Variants in LIPA observed in about 807,000 individuals in gnomAD.
LIPA encodes lipase A, lysosomal acid type.
Under a neutral mutation model 40.6 loss-of-function variants are expected in LIPA, and 26 were observed. That is an observed-to-expected ratio of 0.64 (90% CI 0.47 to 0.89). The LOEUF (loss-of-function observed/expected upper bound fraction) is 0.89. Among genes scored for constraint, LIPA ranks in the 40% least tolerant of loss-of-function variants. The probability of loss-of-function intolerance (pLI) is 0.00; values close to 1 mark genes in which losing one functional copy is unlikely to be tolerated. For synonymous variants in LIPA, 188 were observed against 168.4 expected, an observed-to-expected ratio of 1.12 and a Z score of -0.90; for missense variants, 455 against 479.6, an observed-to-expected ratio of 0.95 and a Z score of 0.48.
chr10:89,251,176 TCCA>T (rs1163171680), intron 1 of LIPA, among the ~76,000 whole-genome samples: 2 of 152,310 alleles, frequency 1.3e-5, no homozygotes, highest in East Asian at 3.9e-4. Context: ...CAATTACTCC[TCCA>T]CCGACCCTAT....
intron 2 of LIPA, among the ~76,000 whole-genome samples, chr10:89,360,489 C>T (rs1310960640): frequency 1.3e-5 from 2 of 152,184 alleles, no homozygotes. Flanking sequence ...AAAGGGCACT[C>T]TTTTCTAATT....
intron 2 of LIPA, among the ~76,000 whole-genome samples, chr10:89,380,987 C>A (rs1167037390): frequency 6.6e-6 from 1 of 152,182 alleles, no homozygotes; most frequent in Non-Finnish European, 1.5e-5. Context: ...AAATTGTGCA[C>A]TTGAAATTCT....
rs1358104128 is a variant in LIPA, at chr10:89,376,205, A to AG, written c.61+36585_61+36586insC. 2.6e-5 allele frequency among the ~76,000 whole-genome samples: 4 copies of AG among 151,188 alleles called. No individual in the cohort carries two copies. The South Asian group carries it at 6.3e-4, about 24-fold the overall frequency. ...TCTATCTTAAAAAAAAAAAAAAAAA[A>AG]AAAAGAAGAAGAAGTCAAGAGGTCC... On this transcript the variant is annotated intron_variant, in intron 2 of 8. Transcript: ENST00000371837.
intron 1 of LIPA, among the ~76,000 whole-genome samples, chr10:89,276,670 T>G (rs1265442707): frequency 6.6e-6 from 1 of 152,212 alleles, no homozygotes; most frequent in Non-Finnish European, 1.5e-5. Flanking sequence ...TGTAAGGCAT[T>G]TGAGGGTAGG....
intron 1 of LIPA, among the ~76,000 whole-genome samples, chr10:89,321,279 G>A (rs1265947733): frequency 1.3e-5 from 2 of 152,156 alleles, no homozygotes; most frequent in Admixed American, 6.5e-5. Context: ...GAGTGGACAG[G>A]CAACCTACAG....
chr10:89,390,049 C>T (rs969675765), intron 2 of LIPA, among the ~76,000 whole-genome samples: 7 of 142,666 alleles, frequency 4.9e-5, no homozygotes, highest in Non-Finnish European at 9.0e-5. Context: ...TGAAATGGCA[C>T]GATCTCGGCT....
intron 1 of LIPA, chr10:89,307,440 G>C (rs755607247): frequency 7.5e-7 from 1 of 1,331,788 alleles, no homozygotes; most frequent in Non-Finnish European, 1.0e-6. Context: ...CCACCAAGTT[G>C]GTATTCAAAA....
At chr10:89,293,501 A>T (rs906093666) in intron 1 of LIPA, 1 of 151,980 alleles carries the variant, frequency 6.6e-6, no homozygotes, top group African/African-American at 2.4e-5. Context: ...TTATTGTATT[A>T]GTCTACATTG....
At chr10:89,318,109 A>T (rs1005923842) in intron 1 of LIPA, among the ~76,000 whole-genome samples, 1 of 152,214 alleles carries the variant, frequency 6.6e-6, no homozygotes, top group East Asian at 1.9e-4. Flanking sequence ...GCCACTGCAA[A>T]ACATGTCAAA....
chr10:89,392,479 C>A (rs1037440006), intron 2 of LIPA: 3 of 259,942 alleles, frequency 1.2e-5, no homozygotes, highest in South Asian at 1.1e-4. Context: ...CCACCCCCCC[C>A]CGTCAGCAGG....
intron 2 of LIPA, among the ~76,000 whole-genome samples, chr10:89,397,655 C>T (rs953477820): frequency 2.0e-4 from 30 of 151,780 alleles, no homozygotes; most frequent in East Asian, 5.8e-4. Context: ...AGATTATAGG[C>T]ATGAGTCATT....
chr10:89,388,192 G>A (rs767596086), intron 2 of LIPA, among the ~76,000 whole-genome samples: 26 of 151,976 alleles, frequency 1.7e-4, no homozygotes, highest in Non-Finnish European at 3.4e-4. Flanking sequence ...TGCAATCTCC[G>A]CCTCCTGGGT....
rs1452327228 is a variant in LIPA, at chr10:89,214,502, A to C, written c.*326T>G. On this transcript the variant is annotated 3_prime_UTR_variant, in exon 10 of 10. Coordinates refer to ENST00000336233, the MANE Select transcript of LIPA (RefSeq NM_000235.4). The stretch of plus-strand genomic sequence containing the variant: ...ACACATATATTACTTTGTCCTATGA[A>C]GGGCAAAAAGTCAATATATTTTAAA... 8.0e-6 allele frequency: 2 copies of C among 251,214 alleles called. No homozygotes were observed. Among genetic ancestry groups the C allele is most frequent in the African/African-American group, 4.6e-5 (2 of 43,434 alleles). The allele number at this position is 251,214 out of a possible 1,614,324, so 15.6% of individuals were successfully genotyped here.
intron 2 of LIPA, among the ~76,000 whole-genome samples, chr10:89,394,100 C>T (rs1038037870): frequency 6.6e-6 from 1 of 152,140 alleles, no homozygotes; most frequent in Non-Finnish European, 1.5e-5. Flanking sequence ...GCAATTTCAT[C>T]ATTATGCAAA....
At chr10:89,378,852 C>T (rs995404279) in intron 2 of LIPA, among the ~76,000 whole-genome samples, 1 of 152,164 alleles carries the variant, frequency 6.6e-6, no homozygotes, top group African/African-American at 2.4e-5. Context: ...AACGAGAAAG[C>T]AATCTTATTT....
intron 1 of LIPA, among the ~76,000 whole-genome samples, chr10:89,334,073 T>TGTGCA (rs755701949): frequency 6.6e-6 from 1 of 152,216 alleles, no homozygotes; most frequent in Non-Finnish European, 1.5e-5. Flanking sequence ...AAGCTGCACA[T>TGTGCA]GTGCAGACAA....
chr10:89,299,532 GTTC>G (rs1400567301), intron 1 of LIPA, among the ~76,000 whole-genome samples: 1 of 152,118 alleles, frequency 6.6e-6, no homozygotes, highest in African/African-American at 2.4e-5. Context: ...AGTGAAAAAC[GTTC>G]TTCTCCATGG....
intron 2 of LIPA, chr10:89,362,696 T>C: frequency 1.5e-6 from 1 of 671,018 alleles, no homozygotes; most frequent in South Asian, 2.9e-5. Context: ...AGTTTGCAAA[T>C]GCTTCCCGCT....
intron 8 of LIPA, among the ~76,000 whole-genome samples, chr10:89,219,562 G>A (rs909492588): frequency 2.0e-5 from 3 of 152,208 alleles, no homozygotes; most frequent in African/African-American, 7.2e-5. Context: ...GTAAACTTCT[G>A]AATGGACTGT....
Sources: allele counts gnomAD v4.1 joint callset (sites outside exome capture counted in the v4.1 genomes callset), GRCh38; gene constraint gnomAD v4.1.1; transcripts MANE v1.5; gene names NCBI Gene and HGNC (gene_info 2026-07-23, HGNC 2026-07-21).